Variants in RASSF3 observed in about 807,000 individuals in gnomAD.
The protein encoded by RASSF3 is ras association domain-containing protein 3.
In RASSF3, 19 loss-of-function variants were observed where a neutral mutation model predicts 19.9. The observed-to-expected ratio is 0.96, with a 90% confidence interval of 0.67 to 1.40. RASSF3 has a LOEUF of 1.40. Ranked by LOEUF, RASSF3 falls within the 40% of genes most tolerant of loss-of-function variation. The probability of loss-of-function intolerance (pLI) is 0.00; values close to 1 mark genes in which losing one functional copy is unlikely to be tolerated. For missense variants in RASSF3, 306 were observed against 289.8 expected, an observed-to-expected ratio of 1.06 and a Z score of -0.41; for synonymous variants, 110 against 104.2, an observed-to-expected ratio of 1.06 and a Z score of -0.34.
intron 1 of RASSF3, among the ~76,000 whole-genome samples, chr12:64,682,801 T>C (rs116740556): frequency 0.014 from 2,077 of 152,314 alleles, 43 homozygotes; most frequent in African/African-American, 0.047. Flanking sequence ...AATGATGTGA[T>C]GTGTCTGGCA....
intron 2 of RASSF3, among the ~76,000 whole-genome samples, chr12:64,583,920 T>C (rs1332600523): frequency 1.3e-5 from 2 of 152,248 alleles, no homozygotes; most frequent in East Asian, 3.8e-4. Flanking sequence ...TACATTTTAA[T>C]CTGTCAGCCA....
At chr12:64,613,992 C>T (rs1053073110) in intron 1 of RASSF3, among the ~76,000 whole-genome samples, 3 of 152,022 alleles carry the variant, frequency 2.0e-5, no homozygotes, top group African/African-American at 7.2e-5. Flanking sequence ...GAACATATGA[C>T]GTTTTGTGGC....
At position 64,610,578 on chromosome 12, in the gene RASSF3, C is replaced by T. The variant is rs1212993513; in HGVS notation, c.-55C>T. ...GCGGGGCTGGCGGGCGCCGCACCCC[C>T]TCCCTGGCCGCCTGCGCCCCGGGGA... is the stretch of plus-strand genomic sequence containing the variant. On this transcript the variant is annotated 5_prime_UTR_variant, in exon 1 of 5. Coordinates refer to ENST00000542104, the MANE Select transcript of RASSF3 (RefSeq NM_178169.4). 13 of 1,086,086 alleles carry T rather than the reference C, an allele frequency of 1.2e-5. No individual in the cohort carries two copies. In the East Asian group the frequency reaches 1.3e-4, roughly 11 times the overall value. 67.3% of individuals were successfully genotyped at this position (1,086,086 alleles called of 1,614,324 possible).
chr12:64,516,260 T>G (rs1868363914), intron 1 of RASSF3, among the ~76,000 whole-genome samples: 1 of 152,174 alleles, frequency 6.6e-6, no homozygotes, highest in Non-Finnish European at 1.5e-5. Context: ...TAGGTAATAT[T>G]GTTCTAAATA....
At chr12:64,651,949 C>G (rs1871971674) in intron 1 of RASSF3, among the ~76,000 whole-genome samples, 1 of 152,196 alleles carries the variant, frequency 6.6e-6, no homozygotes, top group African/African-American at 2.4e-5. Context: ...ACATGAGCCA[C>G]CTCGCCCAGC....
chr12:64,536,837 T>G (rs561584719), intron 1 of RASSF3, among the ~76,000 whole-genome samples: 2 of 152,370 alleles, frequency 1.3e-5, no homozygotes. Context: ...GGTGGTCACA[T>G]CTCTGTTCTT....
intron 1 of RASSF3, among the ~76,000 whole-genome samples, chr12:64,655,557 C>T (rs929666816): frequency 1.3e-5 from 2 of 152,014 alleles, no homozygotes; most frequent in African/African-American, 2.4e-5. Flanking sequence ...AAGTGATCCT[C>T]CTGCCTCGGC....
chr12:64,529,321 G>A (rs1198649131), upstream of RASSF3, among the ~76,000 whole-genome samples: 3 of 152,148 alleles, frequency 2.0e-5, no homozygotes, highest in African/African-American at 7.2e-5. Flanking sequence ...TAATATTGAA[G>A]ATGTAGTAGA....
intron 1 of RASSF3, among the ~76,000 whole-genome samples, chr12:64,659,954 G>T (rs1465295052): frequency 2.3e-5 from 1 of 43,560 alleles, no homozygotes; most frequent in Non-Finnish European, 5.1e-5. Flanking sequence ...TCTAATACGT[G>T]TGTGTGTGTG....
rs561489739 is a variant in RASSF3 at position 64,685,110 on chromosome 12, T to C, written c.219+216T>C. ...CAAAAATCAGTTGCTGGGTTAACCT[T>C]AAAAAAGTGAAACACTTATAATTTT... On this transcript the variant is annotated intron_variant, in intron 2 of 4. Transcript: ENST00000542104. 2.6e-4 allele frequency among the ~76,000 whole-genome samples: 39 copies of C among 152,340 alleles called. No homozygotes were observed. The East Asian group carries it at 6.4e-3, about 25-fold the overall frequency.
chr12:64,513,501 T>G (rs948492022), intron 1 of RASSF3, among the ~76,000 whole-genome samples: 1 of 149,176 alleles, frequency 6.7e-6, no homozygotes, highest in Admixed American at 6.7e-5. Flanking sequence ...CAAAGTCCGA[T>G]TAGAACTCCC....
chr12:64,540,047 T>G (rs1868908639), intron 1 of RASSF3, among the ~76,000 whole-genome samples: 1 of 152,176 alleles, frequency 6.6e-6, no homozygotes. Flanking sequence ...GAGTTCAGAT[T>G]CATTCATTGC....
At chr12:64,511,652 G>T (rs1322718668) in intron 1 of RASSF3, among the ~76,000 whole-genome samples, 1 of 152,094 alleles carries the variant, frequency 6.6e-6, no homozygotes, top group African/African-American at 2.4e-5. Flanking sequence ...CTGTGGTAAG[G>T]ACATCACTTT....
chr12:64,593,012 A>G (rs1458777766), intron 2 of RASSF3, among the ~76,000 whole-genome samples: 12 of 152,094 alleles, frequency 7.9e-5, no homozygotes, highest in Admixed American at 7.9e-4. Context: ...AAAAATTTGC[A>G]AGTACCTTTT....
chr12:64,667,684 C>A (rs1872572274), intron 1 of RASSF3, among the ~76,000 whole-genome samples: 1 of 152,192 alleles, frequency 6.6e-6, no homozygotes, highest in African/African-American at 2.4e-5. Flanking sequence ...TTCAATTCAG[C>A]CAGTCTTCAA....
intron 1 of RASSF3, among the ~76,000 whole-genome samples, chr12:64,682,708 A>G (rs1290236732): frequency 6.6e-6 from 1 of 152,092 alleles, no homozygotes; most frequent in Non-Finnish European, 1.5e-5. Context: ...GTTCTGTAGT[A>G]GCCCCTCCTG....
chr12:64,694,380 G>A (rs1868325618), intron 4 of RASSF3, among the ~76,000 whole-genome samples: 2 of 152,214 alleles, frequency 1.3e-5, no homozygotes, highest in Non-Finnish European at 2.9e-5. Flanking sequence ...GACTGATTAT[G>A]CGAGGTAAGA....
At chr12:64,546,765 G>T (rs1235748944) in intron 2 of RASSF3, among the ~76,000 whole-genome samples, 1 of 152,162 alleles carries the variant, frequency 6.6e-6, no homozygotes, top group East Asian at 1.9e-4. Context: ...TGTGTCAGCT[G>T]ATTATGTAGG....
exon 1 of RASSF3, chr12:64,533,298 A>C (rs1868754770): frequency 6.6e-6 from 1 of 152,310 alleles, no homozygotes; most frequent in African/African-American, 2.4e-5. Flanking sequence ...GCTCTCGGGC[A>C]AAATCAACTT....
Sources: allele counts gnomAD v4.1 joint callset (sites outside exome capture counted in the v4.1 genomes callset), GRCh38; gene constraint gnomAD v4.1.1; transcripts MANE v1.5; gene names NCBI Gene and HGNC (gene_info 2026-07-23, HGNC 2026-07-21).